Variants in GSTCD observed in about 807,000 individuals in gnomAD.
The protein encoded by GSTCD is glutathione S-transferase C-terminal domain-containing protein.
In GSTCD, 44 loss-of-function variants were observed where a neutral mutation model predicts 68.3. That is an observed-to-expected ratio of 0.64 (90% CI 0.51 to 0.83). The LOEUF is 0.83. GSTCD is among the 40% of genes least tolerant of loss of function. The pLI, the probability that GSTCD is intolerant of heterozygous loss-of-function variation, is 0.00. For synonymous variants in GSTCD, 273 were observed against 255.2 expected, an observed-to-expected ratio of 1.07 and a Z score of -0.67; for missense variants, 739 against 735.9, an observed-to-expected ratio of 1.00 and a Z score of -0.05.
chr4:105,769,162 T>A (rs1734732957), intron 5 of GSTCD, among the ~76,000 whole-genome samples: 1 of 152,034 alleles, frequency 6.6e-6, no homozygotes. Context: ...TAAATAATAT[T>A]TTATTTTCAA....
chr4:105,803,736 CA>C (rs1736194756), intron 5 of GSTCD, among the ~76,000 whole-genome samples: 1 of 151,330 alleles, frequency 6.6e-6, no homozygotes, highest in South Asian at 2.1e-4. Context: ...AACATGGATG[CA>C]ACTTGAAAAC....
At chr4:105,824,778 G>A (rs1166244873) in intron 7 of GSTCD, among the ~76,000 whole-genome samples, 2 of 152,030 alleles carry the variant, frequency 1.3e-5, no homozygotes, top group African/African-American at 4.8e-5. Flanking sequence ...TTTACACCCT[G>A]TCCCCCCATC....
chr4:105,718,100 C>T (rs953512999), intron 2 of GSTCD, 61 bp downstream of exon 2: 9 of 1,283,654 alleles, frequency 7.0e-6, no homozygotes, highest in Non-Finnish European at 9.7e-6. Flanking sequence ...AATTACCTGA[C>T]CATTTAATAT....
At position 105,845,620 on chromosome 4, in the gene GSTCD, T is replaced by G; in HGVS notation, c.*43T>G. ...TGATATTTTGCCATCCGTCTTCACG[T>G]TGGATGCCCAGTGGCATTCAGGAGG... On this transcript the variant is annotated 3_prime_UTR_variant, in exon 12 of 12. Transcript: ENST00000515279. The G allele has an allele frequency of 2.5e-6, 4 of 1,606,346 alleles. No homozygotes were observed. Among genetic ancestry groups the G allele is most frequent in the Non-Finnish European group, 3.4e-6 (4 of 1,175,076 alleles).
chr4:105,772,935 C>T (rs1734911831), intron 5 of GSTCD, among the ~76,000 whole-genome samples: 1 of 152,092 alleles, frequency 6.6e-6, no homozygotes, highest in Middle Eastern at 3.2e-3. Context: ...AGGAATAGTA[C>T]CAGCTTCTCT....
intron 5 of GSTCD, among the ~76,000 whole-genome samples, chr4:105,774,275 A>G (rs1040488348): frequency 3.9e-5 from 6 of 152,200 alleles, no homozygotes; most frequent in Admixed American, 2.6e-4. Flanking sequence ...TCTCTTGAAT[A>G]GAGCACACTG....
At chr4:105,758,857 A>C (rs1734293278) in intron 5 of GSTCD, among the ~76,000 whole-genome samples, 2 of 152,092 alleles carry the variant, frequency 1.3e-5, no homozygotes, top group African/African-American at 4.8e-5. Context: ...ATTTTTTATA[A>C]GTTTTACAGG....
chr4:105,842,315 T>C (rs1724388454), intron 11 of GSTCD, among the ~76,000 whole-genome samples, 181 bp downstream of exon 11: 1 of 152,258 alleles, frequency 6.6e-6, no homozygotes, highest in Non-Finnish European at 1.5e-5. Flanking sequence ...CTATAACATT[T>C]TATCCTATTT....
chr4:105,749,181 GAA>G (rs67552068), intron 5 of GSTCD, among the ~76,000 whole-genome samples: 124,475 of 151,038 alleles, frequency 0.82, 51,451 homozygotes, highest in East Asian at 0.96. Flanking sequence ...TAGAAAAAAA[GAA>G]ACGTAAAATG....
At chr4:105,829,899 A>G (rs1723825819) in intron 8 of GSTCD, among the ~76,000 whole-genome samples, 1 of 152,178 alleles carries the variant, frequency 6.6e-6, no homozygotes, top group African/African-American at 2.4e-5. Context: ...TTGAAAACAA[A>G]TTAAAAATTA....
intron 5 of GSTCD, among the ~76,000 whole-genome samples, chr4:105,742,292 C>T (rs1182657953): frequency 8.5e-5 from 13 of 152,296 alleles, no homozygotes; most frequent in African/African-American, 2.9e-4. Flanking sequence ...TTTATACAAC[C>T]TATATTTACT....
At chr4:105,812,375 T>C (rs1158014779) in intron 5 of GSTCD, among the ~76,000 whole-genome samples, 3 of 152,112 alleles carry the variant, frequency 2.0e-5, no homozygotes, top group African/African-American at 7.2e-5. Flanking sequence ...TTTATTTTTA[T>C]TTTCATGTAG....
chr4:105,793,845 G>A (rs973791987), intron 5 of GSTCD, among the ~76,000 whole-genome samples: 2 of 151,998 alleles, frequency 1.3e-5, no homozygotes, highest in African/African-American at 2.4e-5. Flanking sequence ...GTTAGATTAA[G>A]GGCTCACTAA....
intron 8 of GSTCD, among the ~76,000 whole-genome samples, chr4:105,831,084 G>A (rs924704329): frequency 6.6e-6 from 1 of 152,116 alleles, no homozygotes; most frequent in Non-Finnish European, 1.5e-5. Context: ...ACAAAACAGG[G>A]ACTTTTAATA....
intron 5 of GSTCD, among the ~76,000 whole-genome samples, chr4:105,784,377 C>T (rs1273330477): frequency 1.3e-5 from 2 of 152,182 alleles, no homozygotes; most frequent in Non-Finnish European, 2.9e-5. Flanking sequence ...AGGGACCAGA[C>T]TAGCTTTATA....
intron 5 of GSTCD, among the ~76,000 whole-genome samples, chr4:105,794,401 T>C (rs1735791399): frequency 1.3e-5 from 2 of 151,972 alleles, no homozygotes; most frequent in African/African-American, 4.8e-5. Flanking sequence ...TAATATAAAC[T>C]CTGGACTTTG....
intron 5 of GSTCD, among the ~76,000 whole-genome samples, chr4:105,747,838 C>A (rs765388251): frequency 1.3e-5 from 2 of 151,558 alleles, no homozygotes; most frequent in African/African-American, 4.9e-5. Context: ...AAAACTAGCA[C>A]GTTTGTTTTC....
rs79873142 is a variant in GSTCD, at chr4:105,795,983, T to C, written c.1241-26971T>C. The stretch of plus-strand genomic sequence containing the variant: ...TTTAATATTTTAGCCTTGAGTTCTT[T>C]CATCTGATATTAATATTGCAACTTT... On this transcript the variant is annotated intron_variant, in intron 5 of 11. Coordinates refer to ENST00000515279, the MANE Select transcript of GSTCD (RefSeq NM_001370181.1). Among the ~76,000 whole-genome samples the C allele has an allele frequency of 8.8e-3, 1,347 of 152,334 alleles. 27 individuals are homozygous for C. Among genetic ancestry groups the C allele is most frequent in the African/African-American group, 0.031 (1,271 of 41,562 alleles).
intron 5 of GSTCD, among the ~76,000 whole-genome samples, chr4:105,822,604 A>C (rs1313079450): frequency 2.0e-5 from 3 of 152,160 alleles, no homozygotes; most frequent in Non-Finnish European, 4.4e-5. Flanking sequence ...TTCTGCCAAC[A>C]TTAATTGGAC....
Sources: gnomAD v4.1 joint callset for allele counts (sites outside exome capture counted in the v4.1 genomes callset) on GRCh38, gnomAD v4.1.1 for gene constraint, MANE v1.5 for transcripts, NCBI Gene and HGNC (gene_info 2026-07-23, HGNC 2026-07-21) for gene names.